The following ZYG11B variants were observed in gnomAD, a reference collection of about 807,000 sequenced individuals.
ZYG11B encodes the protein zyg-11 family member B, cell cycle regulator.
A neutral mutation model predicts 82.4 loss-of-function variants in ZYG11B; 36 were observed. The observed-to-expected ratio is 0.44, with a 90% CI of 0.33 to 0.58. The LOEUF is 0.58. Ranked by LOEUF, ZYG11B falls within the 20% of genes least tolerant of loss-of-function variation. The probability of loss-of-function intolerance (pLI) is 0.02; values close to 1 mark genes in which losing one functional copy is unlikely to be tolerated. For synonymous variants in ZYG11B, 303 were observed against 312.8 expected (o/e 0.97, Z 0.33); for missense variants, 552 against 895.6 (o/e 0.62, Z 4.90).
At chr1:52,808,711 T>C (rs192332166) in intron 10 of ZYG11B, among the ~76,000 whole-genome samples, 1 of 152,188 alleles carries the variant, frequency 6.6e-6, no homozygotes, top group East Asian at 1.9e-4. Context: ...CATATTGGAG[T>C]CCTTTGGAGA....
intron 1 of ZYG11B, among the ~76,000 whole-genome samples, chr1:52,749,179 GACA>G (rs1423974125): frequency 2.6e-5 from 4 of 152,068 alleles, no homozygotes; most frequent in Admixed American, 6.6e-5. Flanking sequence ...TTCCAGCTTG[GACA>G]ACAAGTGCCA....
At chr1:52,738,749 A>C (rs1644398387) in intron 1 of ZYG11B, among the ~76,000 whole-genome samples, 2 of 151,144 alleles carry the variant, frequency 1.3e-5, no homozygotes, top group African/African-American at 4.9e-5. Context: ...CCTCCTGAGT[A>C]GCTGGGATTA....
At chr1:52,777,326 T>C (rs1644818334) in intron 3 of ZYG11B, among the ~76,000 whole-genome samples, 1 of 152,222 alleles carries the variant, frequency 6.6e-6, no homozygotes, top group African/African-American at 2.4e-5. Context: ...GTGACATATA[T>C]CAATACTGTA....
At chr1:52,815,619 CAAATAAATAAATAAATGTAA>C (rs1213296767) in intron 12 of ZYG11B, among the ~76,000 whole-genome samples, 1 of 150,774 alleles carries the variant, frequency 6.6e-6, no homozygotes, top group Non-Finnish European at 1.5e-5. Flanking sequence ...GACCCTGTCT[CAAATAAATAAATAAATGTAA>C]AAATAAATAA....
chr1:52,807,217 A>T (rs1245635970), intron 10 of ZYG11B, among the ~76,000 whole-genome samples: 2 of 151,362 alleles, frequency 1.3e-5, no homozygotes, highest in Non-Finnish European at 2.9e-5. Context: ...GTCCAGGCTG[A>T]TCACGAACTT....
intron 8 of ZYG11B, among the ~76,000 whole-genome samples, chr1:52,799,150 T>G (rs981823462): frequency 6.6e-6 from 1 of 151,854 alleles, no homozygotes; most frequent in African/African-American, 2.4e-5. Context: ...GCTATGTAGA[T>G]ATGGTTGTAA....
At chr1:52,773,013 T>C (rs141162411) in intron 3 of ZYG11B, among the ~76,000 whole-genome samples, 3 of 152,016 alleles carry the variant, frequency 2.0e-5, no homozygotes, top group Non-Finnish European at 2.9e-5. Context: ...TCAGAGAAAC[T>C]AAGGACACCC....
At chr1:52,762,158 A>C (rs1644637488) in intron 2 of ZYG11B, among the ~76,000 whole-genome samples, 1 of 150,170 alleles carries the variant, frequency 6.7e-6, no homozygotes, top group African/African-American at 2.4e-5. Context: ...TGGTGTGCAG[A>C]AGCTTTTAGT....
chr1:52,804,550 T>G (rs992969096), intron 10 of ZYG11B, among the ~76,000 whole-genome samples: 3 of 151,404 alleles, frequency 2.0e-5, no homozygotes, highest in African/African-American at 7.3e-5. Flanking sequence ...GAGGTGGAGG[T>G]TGCTGTGAGC....
At chr1:52,760,762 T>C (rs2149932406) in intron 2 of ZYG11B, among the ~76,000 whole-genome samples, 1 of 30,802 alleles carries the variant, frequency 3.2e-5, no homozygotes, top group South Asian at 8.2e-4. Flanking sequence ...CTGGCCTACT[T>C]TTTTTTTTTT....
intron 4 of ZYG11B, among the ~76,000 whole-genome samples, chr1:52,784,294 C>G (rs1388071980): frequency 6.6e-6 from 1 of 152,086 alleles, no homozygotes; most frequent in Non-Finnish European, 1.5e-5. Flanking sequence ...GCCTGGCCCC[C>G]AGTGAATTTT....
At chr1:52,803,089 T>C (rs113661766) in intron 10 of ZYG11B, among the ~76,000 whole-genome samples, 1,302 of 11,816 alleles carry the variant, frequency 0.11, 85 homozygotes, top group South Asian at 0.16. Context: ...TATATACACA[T>C]ATATATATAC....
At chr1:52,803,097 T>TATATATATATATAC (rs1212524091) in intron 10 of ZYG11B, among the ~76,000 whole-genome samples, 1 of 44,832 alleles carries the variant, frequency 2.2e-5, no homozygotes, top group Non-Finnish European at 4.4e-5. Context: ...CATATATATA[T>TATATATATATATAC]ACATATATAT....
At chr1:52,772,610 C>A in intron 3 of ZYG11B, 1 of 1,232,380 alleles carries the variant, frequency 8.1e-7, no homozygotes, top group Non-Finnish European at 1.2e-6. Flanking sequence ...GTAAAGCCGA[C>A]TGGGACAGGC....
At chr1:52,764,568 G>A (rs185400565) in intron 2 of ZYG11B, among the ~76,000 whole-genome samples, 125 of 152,190 alleles carry the variant, frequency 8.2e-4, no homozygotes, top group African/African-American at 2.9e-3. Flanking sequence ...CATCTGTAAA[G>A]TGTTGATAAT....
At chr1:52,731,101 C>T (rs1199152814) in intron 1 of ZYG11B, among the ~76,000 whole-genome samples, 2 of 151,770 alleles carry the variant, frequency 1.3e-5, no homozygotes, top group African/African-American at 2.4e-5. Flanking sequence ...GGAGAAACCC[C>T]GTCTCTACTA....
intron 2 of ZYG11B, among the ~76,000 whole-genome samples, chr1:52,766,073 A>C (rs1164226676): frequency 1.3e-5 from 2 of 148,282 alleles, no homozygotes; most frequent in Non-Finnish European, 3.0e-5. Flanking sequence ...TGCCTTGCTG[A>C]GTCTGTTTTC....
At chr1:52,763,236 T>G (rs768113801) in intron 2 of ZYG11B, among the ~76,000 whole-genome samples, 2 of 152,224 alleles carry the variant, frequency 1.3e-5, no homozygotes, top group Non-Finnish European at 2.9e-5. Context: ...GTATGATGCC[T>G]CCAGGTTTAT....
chr1:52,751,156 T>G (rs1046596332), intron 1 of ZYG11B, among the ~76,000 whole-genome samples: 8 of 152,022 alleles, frequency 5.3e-5, no homozygotes, highest in Non-Finnish European at 1.2e-4. Flanking sequence ...ATTTTTGTGT[T>G]TTTTGTAGAG....
Sources: gnomAD v4.1 joint callset for allele counts (sites outside exome capture counted in the v4.1 genomes callset) on GRCh38, gnomAD v4.1.1 for gene constraint, MANE v1.5 for transcripts, NCBI Gene and HGNC (gene_info 2026-07-23, HGNC 2026-07-21) for gene names.